The following TMPRSS9 variants were observed in gnomAD, a reference collection of about 807,000 sequenced individuals.
The protein encoded by TMPRSS9 is transmembrane serine protease 9, also known as transmembrane protease serine 9.
TMPRSS9 carries 113 observed loss-of-function variants against 111.4 expected under a neutral mutation model. The observed-to-expected ratio is 1.01, with a 90% confidence interval of 0.87 to 1.19. TMPRSS9 has a LOEUF of 1.19. Among genes scored for constraint, TMPRSS9 ranks in the 50% most tolerant of loss-of-function variants. TMPRSS9 has a pLI of 0.00. For missense variants in TMPRSS9, 1,803 were observed against 1,513.1 expected, an observed-to-expected ratio of 1.19 and a Z score of -3.18; for synonymous variants, 805 against 659.1, an observed-to-expected ratio of 1.22 and a Z score of -3.39.
chr19:2,425,017 G>A (rs1191577813), exon 16 of TMPRSS9: 1 of 1,538,666 alleles, frequency 6.5e-7, no homozygotes, highest in Non-Finnish European at 8.7e-7. Context: ...GGGACCCCAA[G>A]CAGTGGGCGG....
chr19:2,371,726 C>A lies in TMPRSS9; in HGVS notation c.-26+11366C>A, dbSNP rs66461270. 4.4e-3 allele frequency among the ~76,000 whole-genome samples: 462 copies of A among 104,884 alleles called. 6 individuals are homozygous for A. Among genetic ancestry groups the A allele is most frequent in the African/African-American group, 0.019 (308 of 16,638 alleles). The allele number at this position is 104,884 out of a possible 152,430, so 68.8% of individuals were successfully genotyped here. ...CAACAAAACCAAGAAAAAAAAAAAA[C>A]AAAACTAGAATAGCCTTGAGCAAAC... On this transcript the variant is annotated intron_variant, in intron 1 of 17. Coordinates refer to the TMPRSS9 transcript ENST00000649857.
In TMPRSS9 at chr19:2,364,849, T is replaced by C. The variant is rs901722103; in HGVS notation, c.-26+4489T>C. Among the ~76,000 whole-genome samples, 26 of 151,436 alleles carry C rather than the reference T, an allele frequency of 1.7e-4. No individual in the cohort carries two copies. The South Asian group carries it at 3.4e-3, about 20-fold the overall frequency. On this transcript the variant is annotated intron_variant, in intron 1 of 17. Coordinates refer to the TMPRSS9 transcript ENST00000649857. ...AAATACAAAAAAAATTAGCCGGGCC[T>C]GGTGGCGGGCGCCTGTAATCTCGGG...
chr19:2,425,885 G>A (rs751356096), intron 17 of TMPRSS9, 42 bp from the exon 19 acceptor site: 1 of 1,546,568 alleles, frequency 6.5e-7, no homozygotes, highest in Non-Finnish European at 8.7e-7. Context: ...TGCTGTAGGG[G>A]AGGTACCGGC....
In TMPRSS9 at chr19:2,418,316, TCC is replaced by T. The variant is rs753635628; in HGVS notation, c.2154+180_2154+181del. Among the ~76,000 whole-genome samples the T allele has an allele frequency of 3.3e-4, 8 of 23,922 alleles. 1 individual carries two copies. Among genetic ancestry groups the T allele is most frequent in the African/African-American group, 3.1e-3 (7 of 2,228 alleles). The allele number at this position is 23,922 out of a possible 152,430, so 15.7% of individuals were successfully genotyped here. A position where few individuals can be genotyped will look rare whatever the true frequency, so the allele number is the denominator to read the frequency against. ...CTTTCCTTCCCTCCCTTTCCCTCCCTCCCTCCCTCCCTCCCTTTCCTTCCCTC... is the reference window on the plus strand; with the variant it reads ...CTTTCCTTCCCTCCCTTTCCCTCCCTCTCCCTCCCTCCCTTTCCTTCCCTC... On this transcript the variant is annotated intron_variant, in intron 13 of 17. Coordinates refer to ENST00000648592, the Ensembl canonical transcript of TMPRSS9.
At chr19:2,418,352 TCCCTCCCTC>T (rs1971326652) in intron 13 of TMPRSS9, among the ~76,000 whole-genome samples, 1 of 33,260 alleles carries the variant, frequency 3.0e-5, no homozygotes, top group African/African-American at 3.2e-4. Context: ...TCCCTTTCCC[TCCCTCCCTC>T]CCTTCCCTTC....
At chr19:2,418,307 TTCCCTCCCTCCC>T (rs1325544447) in intron 13 of TMPRSS9, among the ~76,000 whole-genome samples, 169 bp downstream of exon 14, 8 of 30,762 alleles carry the variant, frequency 2.6e-4, no homozygotes, top group Admixed American at 3.0e-4. Context: ...TTCCCTCCCT[TTCCCTCCCTCCC>T]TCCCTCCCTC....
chr19:2,418,350 C>CT (rs1971325839), intron 13 of TMPRSS9, among the ~76,000 whole-genome samples: 3 of 57,090 alleles, frequency 5.3e-5, no homozygotes, highest in Admixed American at 1.6e-4. Flanking sequence ...CCTCCCTTTC[C>CT]CTCCCTCCCT....
At chr19:2,394,134 C>T (rs1451482561) in intron 1 of TMPRSS9, among the ~76,000 whole-genome samples, 1 of 151,936 alleles carries the variant, frequency 6.6e-6, no homozygotes, top group Admixed American at 6.6e-5. Context: ...ACCCAGGAGG[C>T]AGAGGTTGCA....
upstream of TMPRSS9, among the ~76,000 whole-genome samples, chr19:2,385,163 C>A (rs1469808379): frequency 1.2e-4 from 4 of 32,644 alleles, no homozygotes; most frequent in Admixed American, 4.8e-4. Flanking sequence ...TCGCGGAGGG[C>A]GGGGCTCGCG....
intron 1 of TMPRSS9, among the ~76,000 whole-genome samples, chr19:2,363,509 G>A (rs770124361): frequency 6.6e-5 from 10 of 151,644 alleles, no homozygotes; most frequent in Non-Finnish European, 1.5e-4. Context: ...GAGCAGTTGT[G>A]GGGGGGTGGG....
At position 2,396,518 on chromosome 19, in the gene TMPRSS9, G is replaced by A. The variant is rs532449272; in HGVS notation, c.143-21G>A. The A allele has an allele frequency of 2.3e-5, 37 of 1,579,552 alleles. No individual in the cohort carries two copies. In the East Asian group the frequency reaches 4.6e-4, roughly 20 times the overall value. On this transcript the variant is annotated intron_variant, in intron 1 of 17. Coordinates refer to ENST00000648592, the Ensembl canonical transcript of TMPRSS9. ...AGCCCCCAAAGGTGGGCTCTCTCACGGGCCCTGGTCTCGTCCCCAGCCTTC... is the reference window on the plus strand; with the variant it reads ...AGCCCCCAAAGGTGGGCTCTCTCACAGGCCCTGGTCTCGTCCCCAGCCTTC...
chr19:2,389,076 C>CTTT (rs1197842508), upstream of TMPRSS9, among the ~76,000 whole-genome samples: 1 of 139,778 alleles, frequency 7.2e-6, no homozygotes, highest in African/African-American at 2.7e-5. Flanking sequence ...CACGTTCCAC[C>CTTT]TTTTTTTTTT....
intron 14 of TMPRSS9, 120 bp downstream of exon 15, chr19:2,422,367 CAGG>C: frequency 8.1e-7 from 1 of 1,238,736 alleles, no homozygotes; most frequent in Non-Finnish European, 1.1e-6. Context: ...ATCAAGAGGT[CAGG>C]AGATCGAGAC....
At chr19:2,418,410 ATTCCTTCCCTCCCTCCCT>A (rs1971335253) in intron 13 of TMPRSS9, among the ~76,000 whole-genome samples, 1 of 7,202 alleles carries the variant, frequency 1.4e-4, no homozygotes, top group Non-Finnish European at 2.3e-4. Flanking sequence ...CTTTCCTTCC[ATTCCTTCCCTCCCTCCCT>A]TTCCTTCCCT....
chr19:2,422,672 G>A (rs1024939821), intron 14 of TMPRSS9, among the ~76,000 whole-genome samples: 2 of 152,180 alleles, frequency 1.3e-5, no homozygotes, highest in Non-Finnish European at 2.9e-5. Context: ...GATCGCCAGA[G>A]GTCAGGAGTT....
intron 9 of TMPRSS9, among the ~76,000 whole-genome samples, chr19:2,412,894 T>G (rs1971126059): frequency 6.6e-6 from 1 of 152,006 alleles, no homozygotes; most frequent in African/African-American, 2.4e-5. Flanking sequence ...AGGGCTCATG[T>G]TTAAGAATGT....
chr19:2,380,452 T>A (rs892633811), intron 1 of TMPRSS9, among the ~76,000 whole-genome samples: 1 of 150,686 alleles, frequency 6.6e-6, no homozygotes, highest in African/African-American at 2.4e-5. Context: ...AAAAAAAAAA[T>A]TAGCCAGGCA....
At chr19:2,385,191 GGGCGGGGCTCGA>G (rs1330017098), upstream of TMPRSS9, among the ~76,000 whole-genome samples, 6 of 104,214 alleles carry the variant, frequency 5.8e-5, no homozygotes, top group African/African-American at 3.3e-4. Context: ...GGGCTCGCGG[GGGCGGGGCTCGA>G]GGGGGCGGGG....
intron 11 of TMPRSS9, 36 bp from the exon 13 acceptor site, chr19:2,416,502 G>A (rs1464673393): frequency 1.1e-5 from 18 of 1,581,954 alleles, no homozygotes; most frequent in Non-Finnish European, 1.5e-5. Flanking sequence ...GGCATGTGCT[G>A]GAGGGCAGGC....
Sources: gnomAD v4.1 joint callset for allele counts (sites outside exome capture counted in the v4.1 genomes callset) on GRCh38, gnomAD v4.1.1 for gene constraint, MANE v1.5 for transcripts, NCBI Gene and HGNC (gene_info 2026-07-23, HGNC 2026-07-21) for gene names.